The following ATAT1 variants were observed in gnomAD, a reference collection of about 807,000 sequenced individuals.
ATAT1 encodes alpha tubulin acetyltransferase 1.
In ATAT1, 42 loss-of-function variants were observed where a neutral mutation model predicts 57.2. That is an observed-to-expected ratio of 0.73 (90% CI 0.57 to 0.95). The LOEUF (loss-of-function observed/expected upper bound fraction) is 0.95. Ranked by LOEUF, ATAT1 falls within the 40% of genes least tolerant of loss-of-function variation. The pLI is 0.00. For synonymous variants in ATAT1, 168 were observed against 187.1 expected (o/e 0.90, Z 0.83); for missense variants, 454 against 523.7 (o/e 0.87, Z 1.30).
Position 30,627,445 on chromosome 6 carries a change from C to T in ATAT1, c.72-15C>T, listed in dbSNP as rs1475973954. 1.2e-6 allele frequency: 2 copies of T among 1,612,190 alleles called. No homozygotes were observed. The highest frequency in any genetic ancestry group is 1.7e-6 in the Non-Finnish European group (2 of 1,178,310). The stretch of plus-strand genomic sequence containing the variant: ...TTAGTGAGTATCTGACTCTTTATTT[C>T]TTCTCTTTCTCTAGTGTTGATCTAC... On this transcript the variant is annotated splice_polypyrimidine_tract_variant and intron_variant, in intron 1 of 12. Transcript: ENST00000330083.
intron 10 of ATAT1, chr6:30,644,628 T>A (rs1340330579): frequency 5.1e-6 from 5 of 985,454 alleles, no homozygotes; most frequent in Non-Finnish European, 4.8e-6. Context: ...TGAAATCTTT[T>A]GTGTTTTCTA....
rs1762121179 is a variant in ATAT1 at position 30,628,349 on chromosome 6, C to T, written c.420C>T (p.His140=). ...TGCAGAAGGAGCGAGTGGAACCGCA[C>T]CAACTGGCAATTGACCGACCCTCAC... Residue 140 remains histidine (H), a synonymous_variant, in exon 6 of 13, where the codon CAC becomes CAT. Transcript: ENST00000330083. 4 of 1,612,956 alleles carry T rather than the reference C, an allele frequency of 2.5e-6. No homozygotes were observed. The highest frequency in any genetic ancestry group is 1.1e-5 in the South Asian group (1 of 91,092).
intron 10 of ATAT1, 97 bp from the exon 11 acceptor site, chr6:30,645,798 C>T: frequency 1.2e-6 from 1 of 831,054 alleles, no homozygotes; most frequent in Non-Finnish European, 1.8e-6. Context: ...CTCTTTGTTC[C>T]TGTGCTATTC....
rs1468928244 is a variant in ATAT1, at chr6:30,627,707, C to T, written c.204C>T (p.Leu68=). 6.2e-7 allele frequency: 1 copy of T among 1,612,996 alleles called. No individual in the cohort carries two copies. Among genetic ancestry groups the T allele is most frequent in the East Asian group, 2.2e-5 (1 of 44,890 alleles). ...GTAACCGCCATGTTGTTTATATTCT[C>T]AAAGACAGTTCAGCCCGACCGTGAG... Residue 68 remains leucine (L), a synonymous_variant, in exon 3 of 13, where the codon CTC becomes CTT. Transcript: ENST00000330083.
At chr6:30,634,663 GAAAA>G (rs9278741) in intron 6 of ATAT1, among the ~76,000 whole-genome samples, 1 of 84,228 alleles carries the variant, frequency 1.2e-5, no homozygotes, top group African/African-American at 4.7e-5. Flanking sequence ...CTCAAAGGAG[GAAAA>G]AAAAAAAAAA....
At chr6:30,628,885 G>T (rs1356702414) in intron 6 of ATAT1, among the ~76,000 whole-genome samples, 1 of 151,118 alleles carries the variant, frequency 6.6e-6, no homozygotes, top group Admixed American at 6.6e-5. Context: ...TTACAGGTGT[G>T]AGCCACCGCA....
chr6:30,643,073 A>G, intron 10 of ATAT1, 62 bp downstream of exon 10: 1 of 1,541,706 alleles, frequency 6.5e-7, no homozygotes, highest in Non-Finnish European at 8.8e-7. Context: ...AGAAATGGCA[A>G]AGGGCAATTT....
intron 5 of ATAT1, 22 bp from the exon 6 acceptor site, chr6:30,628,307 C>G: frequency 6.2e-7 from 1 of 1,608,508 alleles, no homozygotes; most frequent in South Asian, 1.1e-5. Context: ...TCCTCCTACC[C>G]TGAGTCTCCT....
chr6:30,637,402 G>T (rs531691867), intron 6 of ATAT1, among the ~76,000 whole-genome samples: 1 of 148,558 alleles, frequency 6.7e-6, no homozygotes, highest in East Asian at 2.0e-4. Context: ...GCAAGGTCTT[G>T]CTCTGTTGCC....
At chr6:30,644,375 A>G in intron 10 of ATAT1, 1 of 985,682 alleles carries the variant, frequency 1.0e-6, no homozygotes. Flanking sequence ...GTCTTGTGAG[A>G]TTGTCGAGAT....
Position 30,642,832 on chromosome 6 carries a change from A to ACCTCCCCCC in ATAT1, c.753_754insCCTCCCCCC (p.Pro251_Ala252insProProPro). On this transcript the variant is annotated inframe_insertion, in exon 10 of 13. Transcript: ENST00000330083. ...GGGCCCCTCGCCGCGCCACACCTCC[A>ACCTCCCCCC]GCCCACCCACCCCCCCGCTCCAGCA... The ACCTCCCCCC allele has an allele frequency of 1.6e-6, 2 of 1,230,750 alleles. No individual in the cohort carries two copies. Among genetic ancestry groups the ACCTCCCCCC allele is most frequent in the South Asian group, 1.2e-5 (1 of 82,750 alleles). 76.2% of individuals were successfully genotyped at this position (1,230,750 alleles called of 1,614,324 possible). A position where few individuals can be genotyped will look rare whatever the true frequency, so the allele number is the denominator to read the frequency against.
rs1262818896 is a variant in ATAT1, at chr6:30,641,106, T to TACACACAC, written c.616+504_616+505insCACACACA. Among the ~76,000 whole-genome samples the TACACACAC allele has an allele frequency of 9.9e-4, 139 of 140,940 alleles. 1 individual carries two copies. The highest frequency in any genetic ancestry group is 2.9e-3 in the African/African-American group (112 of 38,112). The allele number at this position is 140,940 out of a possible 152,430, so 92.5% of individuals were successfully genotyped here. A position where few individuals can be genotyped will look rare whatever the true frequency, so the allele number is the denominator to read the frequency against. The stretch of plus-strand genomic sequence containing the variant: ...AATGCTGTCCAGATTCCCCATCCCA[T>TACACACAC]ATACACACATACACACACACACACA... On this transcript the variant is annotated intron_variant, in intron 8 of 12. Coordinates refer to ENST00000330083, the MANE Select transcript of ATAT1 (RefSeq NM_001031722.4).
rs2127562708 is a variant in ATAT1 at position 30,646,694 on chromosome 6, A to T, written c.*51A>T. On this transcript the variant is annotated 3_prime_UTR_variant, in exon 13 of 13. Transcript: ENST00000330083. ...AGTATTATTTCTCCCTCACTACAGG[A>T]AAGAGCCAAAGCCCAACCCTCATAA... The T allele has an allele frequency of 6.8e-7, 1 of 1,480,156 alleles. No homozygotes were observed. Among genetic ancestry groups the T allele is most frequent in the African/African-American group, 1.4e-5 (1 of 71,520 alleles). The allele number at this position is 1,480,156 out of a possible 1,614,324, so 91.7% of individuals were successfully genotyped here.
At position 30,642,735 on chromosome 6, in the gene ATAT1, T is replaced by G. The variant is rs760919529; in HGVS notation, c.689-33T>G. On this transcript the variant is annotated intron_variant, in intron 9 of 12. Coordinates refer to ENST00000330083, the MANE Select transcript of ATAT1 (RefSeq NM_001031722.4). Reference sequence around the variant, plus strand: ...TGACTCTCTTCCTTTTTTCTTCTTTTTCTGTCTTGCTCTTCATTCTCCCTG... The same window carrying G: ...TGACTCTCTTCCTTTTTTCTTCTTTGTCTGTCTTGCTCTTCATTCTCCCTG... 2.4e-5 allele frequency: 34 copies of G among 1,396,686 alleles called. No homozygotes were observed. In the African/African-American group the frequency reaches 4.5e-4, roughly 19 times the overall value. 86.5% of individuals were successfully genotyped at this position (1,396,686 alleles called of 1,614,324 possible).
chr6:30,638,279 C>G (rs540280191), intron 6 of ATAT1, among the ~76,000 whole-genome samples: 10 of 152,162 alleles, frequency 6.6e-5, no homozygotes, highest in African/African-American at 1.7e-4. Flanking sequence ...ACATGAGCCA[C>G]CATGCCCAGC....
Position 30,642,833 on chromosome 6 carries a change from G to GGGGGGGCGGGC in ATAT1, c.754_755insGGGGGGCGGGC (p.Ala252GlyfsTer71). The GGGGGGGCGGGC allele has an allele frequency of 6.5e-7, 1 of 1,537,876 alleles. No individual in the cohort carries two copies. Among genetic ancestry groups the GGGGGGGCGGGC allele is most frequent in the Non-Finnish European group, 8.7e-7 (1 of 1,145,782 alleles). On this transcript the variant is annotated frameshift_variant, in exon 10 of 13. Transcript: ENST00000330083. LOFTEE classifies it high-confidence loss of function. ...GGCCCCTCGCCGCGCCACACCTCCA[G>GGGGGGGCGGGC]CCCACCCACCCCCCCGCTCCAGCAG...
At position 30,640,516 on chromosome 6, in the gene ATAT1, G is replaced by A. The variant is rs1378289285; in HGVS notation, c.548-19G>A. ...TGCCGACCCCTCACTGAGGGGCCCC[G>A]CCGCTTCCTTCCTCACAGGGCCCCC... On this transcript the variant is annotated intron_variant, in intron 7 of 12. Transcript: ENST00000330083. 22 of 1,612,770 alleles carry A rather than the reference G, an allele frequency of 1.4e-5. No individual in the cohort carries two copies. Among genetic ancestry groups the A allele is most frequent in the African/African-American group, 5.3e-5 (4 of 74,888 alleles).
At chr6:30,627,371 T>C in intron 1 of ATAT1, 89 bp from the exon 2 acceptor site, 1 of 1,603,856 alleles carries the variant, frequency 6.2e-7, no homozygotes, top group Non-Finnish European at 8.5e-7. Flanking sequence ...AAACCTGGGT[T>C]GGAGTTGTGG....
chr6:30,646,543 C>T lies in ATAT1; in HGVS notation c.1130C>T (p.Ala377Val). ...CCCATGCACACAGCTCCTCCACAGG[C>T]CCCGGCCCCGCCAGCCCAGTCCTGG... The change falls in exon 13 of 13, where the codon GCC (alanine) becomes GTC (valine). Residue 377 changes from alanine to valine, a missense_variant. This residue lies in a region of ATAT1 where 216 missense variants were observed against 222.2 expected (regional missense o/e 0.97). Coordinates refer to ENST00000330083, the MANE Select transcript of ATAT1 (RefSeq NM_001031722.4). The T allele has an allele frequency of 6.3e-7, 1 of 1,587,228 alleles. No homozygotes were observed. Among genetic ancestry groups the T allele is most frequent in the Non-Finnish European group, 8.6e-7 (1 of 1,167,062 alleles).
Sources: allele counts gnomAD v4.1 joint callset (sites outside exome capture counted in the v4.1 genomes callset), GRCh38; gene constraint gnomAD v4.1.1; regional missense constraint gnomAD v4.1.1; transcripts MANE v1.5; gene names NCBI Gene and HGNC (gene_info 2026-07-23, HGNC 2026-07-21).